The following BBX variants were observed in gnomAD, a reference collection of about 807,000 sequenced individuals.
The protein encoded by BBX is HMG box transcription factor BBX.
Under a neutral mutation model 100.2 loss-of-function variants are expected in BBX, and 30 were observed. The ratio of observed to expected loss-of-function variants is 0.30; its 90% CI spans 0.22 to 0.41. BBX has a LOEUF of 0.41. Among genes scored for constraint, BBX ranks in the 10% least tolerant of loss-of-function variants. The probability of loss-of-function intolerance (pLI) is 1.00; values close to 1 mark genes in which losing one functional copy is unlikely to be tolerated. For synonymous variants in BBX, 376 were observed against 388.1 expected (o/e 0.97, Z 0.37); for missense variants, 1,023 against 1,129.8 (o/e 0.91, Z 1.35).
chr3:107,759,769 T>C (rs1480838743), intron 10 of BBX, among the ~76,000 whole-genome samples: 3 of 152,192 alleles, frequency 2.0e-5, no homozygotes, highest in Admixed American at 1.3e-4. Context: ...TCTTCTAAGA[T>C]CGGTGATATA....
At chr3:107,698,894 T>G (rs974495632) in intron 3 of BBX, among the ~76,000 whole-genome samples, 2 of 151,716 alleles carry the variant, frequency 1.3e-5, no homozygotes, top group East Asian at 3.8e-4. Flanking sequence ...TGAGTAATTG[T>G]TAGGAATGTC....
At chr3:107,644,950 TAAGC>T (rs944921313) in intron 2 of BBX, among the ~76,000 whole-genome samples, 2 of 152,162 alleles carry the variant, frequency 1.3e-5, no homozygotes, top group African/African-American at 4.8e-5. Flanking sequence ...AAAAAAAACT[TAAGC>T]TAAGCCATAA....
At chr3:107,639,159 G>A (rs925091255) in intron 2 of BBX, among the ~76,000 whole-genome samples, 11 of 152,100 alleles carry the variant, frequency 7.2e-5, no homozygotes, top group African/African-American at 2.7e-4. Flanking sequence ...TTTATCAAAT[G>A]ACTTTGGACT....
intron 4 of BBX, among the ~76,000 whole-genome samples, chr3:107,715,705 A>G (rs1361981363): frequency 6.6e-6 from 1 of 152,262 alleles, no homozygotes; most frequent in Non-Finnish European, 1.5e-5. Context: ...GAAGTATTGT[A>G]AAGAAGATGA....
chr3:107,781,040 T>G (rs2067830552), intron 13 of BBX, among the ~76,000 whole-genome samples: 1 of 152,104 alleles, frequency 6.6e-6, no homozygotes, highest in African/African-American at 2.4e-5. Context: ...CCTTCATGAC[T>G]TATACTAGGT....
intron 15 of BBX, among the ~76,000 whole-genome samples, chr3:107,795,581 T>C (rs188211944): frequency 5.2e-4 from 79 of 151,780 alleles, no homozygotes; most frequent in Non-Finnish European, 1.0e-3. Context: ...ATTACCTTCT[T>C]TTGGGGAACT....
At chr3:107,791,605 C>T (rs1375819260) in intron 15 of BBX, among the ~76,000 whole-genome samples, 1 of 152,138 alleles carries the variant, frequency 6.6e-6, no homozygotes, top group East Asian at 1.9e-4. Flanking sequence ...ATGTTGCAGG[C>T]AGATGCTTAT....
chr3:107,731,374 C>T lies in BBX; in HGVS notation c.602-1582C>T, dbSNP rs529607045. 2.1e-3 allele frequency among the ~76,000 whole-genome samples: 322 copies of T among 152,256 alleles called. 1 individual carries two copies. Among genetic ancestry groups the T allele is most frequent in the African/African-American group, 7.3e-3 (303 of 41,554 alleles). ...GGATGACAGCTGCAAAAGTATTTCT[C>T]TTTGAAAGAACCAAACTAAACTTTT... On this transcript the variant is annotated intron_variant, in intron 6 of 17. Coordinates refer to ENST00000325805, the MANE Select transcript of BBX (RefSeq NM_001142568.3).
intron 8 of BBX, among the ~76,000 whole-genome samples, chr3:107,746,008 T>C (rs73850154): frequency 0.017 from 2,610 of 152,276 alleles, 72 homozygotes; most frequent in African/African-American, 0.06. Context: ...CTCCTATTTA[T>C]GTTATTAATT....
chr3:107,725,877 G>A (rs932310499), intron 5 of BBX, among the ~76,000 whole-genome samples: 1 of 152,030 alleles, frequency 6.6e-6, no homozygotes, highest in Admixed American at 6.6e-5. Context: ...CATTTAATGG[G>A]AGAATTTTGA....
intron 3 of BBX, among the ~76,000 whole-genome samples, chr3:107,694,671 C>T (rs1370889404): frequency 6.6e-6 from 1 of 150,520 alleles, no homozygotes; most frequent in Non-Finnish European, 1.5e-5. Context: ...TTGGTTGTGT[C>T]TCTGCCTGGC....
At chr3:107,754,013 A>G (rs1393309983) in intron 9 of BBX, among the ~76,000 whole-genome samples, 4 of 152,326 alleles carry the variant, frequency 2.6e-5, no homozygotes, top group East Asian at 3.9e-4. Context: ...ACTGCCCTAC[A>G]CTAGCATCAC....
At chr3:107,592,360 CAAAAAAAA>C (rs398052177) in intron 2 of BBX, among the ~76,000 whole-genome samples, 1 of 74,886 alleles carries the variant, frequency 1.3e-5, no homozygotes. Context: ...GACCCTGTCT[CAAAAAAAA>C]AAAAAAAAAA....
chr3:107,742,217 T>G (rs1306958605), intron 7 of BBX, among the ~76,000 whole-genome samples: 1 of 152,222 alleles, frequency 6.6e-6, no homozygotes, highest in East Asian at 1.9e-4. Flanking sequence ...TAGTGCTTTA[T>G]GAAACATTTG....
At chr3:107,606,557 A>G (rs2054460576) in intron 2 of BBX, among the ~76,000 whole-genome samples, 1 of 152,104 alleles carries the variant, frequency 6.6e-6, no homozygotes, top group Non-Finnish European at 1.5e-5. Context: ...AGTATTTCCA[A>G]ATGTCTGTTT....
At chr3:107,620,104 T>C (rs2055627134) in intron 2 of BBX, among the ~76,000 whole-genome samples, 1 of 151,782 alleles carries the variant, frequency 6.6e-6, no homozygotes, top group Admixed American at 6.6e-5. Flanking sequence ...TTGGCTCAGA[T>C]TGGGTAATTT....
At chr3:107,801,633 C>T (rs7622525) in intron 17 of BBX, among the ~76,000 whole-genome samples, 146,821 of 152,194 alleles carry the variant, frequency 0.96, 71,009 homozygotes, top group Middle Eastern at 1. Context: ...AGATCTTGAC[C>T]AAGATTATTA....
chr3:107,598,199 G>A (rs1559856757), intron 2 of BBX, among the ~76,000 whole-genome samples: 1 of 152,184 alleles, frequency 6.6e-6, no homozygotes, highest in Non-Finnish European at 1.5e-5. Context: ...TAGGGGGTGT[G>A]TGTGTATGTG....
chr3:107,584,398 T>G (rs935165870), intron 2 of BBX, among the ~76,000 whole-genome samples: 4 of 149,200 alleles, frequency 2.7e-5, no homozygotes, highest in African/African-American at 9.9e-5. Context: ...TTAAAAATAG[T>G]AGTTGTCAAT....
Sources: gnomAD v4.1 joint callset for allele counts (sites outside exome capture counted in the v4.1 genomes callset) on GRCh38, gnomAD v4.1.1 for gene constraint, MANE v1.5 for transcripts, NCBI Gene and HGNC (gene_info 2026-07-23, HGNC 2026-07-21) for gene names.